The following RFFL variants were observed in gnomAD, a reference collection of about 807,000 sequenced individuals.
RFFL encodes the protein ring finger and FYVE like domain containing E3 ubiquitin protein ligase.
RFFL carries 16 observed loss-of-function variants against 40.4 expected under a neutral mutation model. That is an observed-to-expected ratio of 0.40 (90% CI 0.27 to 0.60). The LOEUF (loss-of-function observed/expected upper bound fraction) is 0.60. Ranked by LOEUF, RFFL falls within the 20% of genes least tolerant of loss-of-function variation. RFFL has a pLI of 0.47. For missense variants in RFFL, 367 were observed against 451.7 expected, an observed-to-expected ratio of 0.81 and a Z score of 1.70; for synonymous variants, 154 against 167.9, an observed-to-expected ratio of 0.92 and a Z score of 0.64.
chr17:35,019,847 C>CATG (rs1597813843), intron 3 of RFFL, among the ~76,000 whole-genome samples: 1 of 152,044 alleles, frequency 6.6e-6, no homozygotes, highest in African/African-American at 2.4e-5. Flanking sequence ...CGGAGAAAAA[C>CATG]ATGTTCAGGC....
At chr17:35,056,096 C>A (rs1210967280) in intron 1 of RFFL, among the ~76,000 whole-genome samples, 2 of 152,046 alleles carry the variant, frequency 1.3e-5, no homozygotes, top group African/African-American at 2.4e-5. Flanking sequence ...ATTCTGCAGC[C>A]CAACAAATAA....
chr17:35,067,227 C>T (rs2091324966), upstream of RFFL, among the ~76,000 whole-genome samples: 1 of 151,744 alleles, frequency 6.6e-6, no homozygotes, highest in South Asian at 2.1e-4. Flanking sequence ...AAGCAATTCT[C>T]CTTCCTCAGC....
At chr17:35,029,344 T>G (rs1328172300) in intron 1 of RFFL, among the ~76,000 whole-genome samples, 2 of 148,778 alleles carry the variant, frequency 1.3e-5, no homozygotes, top group Non-Finnish European at 3.0e-5. Flanking sequence ...TTTGTAGTTT[T>G]TTTTTTTTTT....
intron 1 of RFFL, among the ~76,000 whole-genome samples, chr17:35,048,320 T>C (rs574300245): frequency 5.3e-5 from 8 of 151,920 alleles, no homozygotes; most frequent in East Asian, 2.0e-4. Flanking sequence ...GAGAACGGTG[T>C]GAACCAAGGA....
At chr17:35,027,617 G>A (rs772956755) in intron 1 of RFFL, among the ~76,000 whole-genome samples, 5 of 151,846 alleles carry the variant, frequency 3.3e-5, no homozygotes, top group South Asian at 2.1e-4. Flanking sequence ...CCAGCTACTC[G>A]GAAGGCTGAG....
At chr17:35,072,764 T>C (rs1406865868) in intron 1 of RFFL, among the ~76,000 whole-genome samples, 2 of 150,296 alleles carry the variant, frequency 1.3e-5, no homozygotes, top group Non-Finnish European at 3.0e-5. Flanking sequence ...AAAAAAGTGG[T>C]CGGGCGTGGT....
At chr17:35,072,671 C>T (rs2091356744) in intron 1 of RFFL, among the ~76,000 whole-genome samples, 1 of 151,740 alleles carries the variant, frequency 6.6e-6, no homozygotes, top group South Asian at 2.1e-4. Context: ...GGGAGAAAAA[C>T]GGGTGACGGG....
Position 35,014,822 on chromosome 17 carries a change from T to C in RFFL, c.887-59A>G. 2.0e-6 allele frequency: 3 copies of C among 1,507,930 alleles called. No individual in the cohort carries two copies. In the South Asian group the frequency reaches 3.4e-5, roughly 17 times the overall value. The allele number at this position is 1,507,930 out of a possible 1,614,324, so 93.4% of individuals were successfully genotyped here. On this transcript the variant is annotated intron_variant, in intron 5 of 6. Transcript: ENST00000394597. ...AAGGCATGATGGTACAAATACAGTCTCTTACTGCCCTGACATCATTTCTGA... is the reference window on the plus strand; with the variant it reads ...AAGGCATGATGGTACAAATACAGTCCCTTACTGCCCTGACATCATTTCTGA...
chr17:35,012,769 C>CT (rs964411487), intron 6 of RFFL, among the ~76,000 whole-genome samples: 1 of 152,178 alleles, frequency 6.6e-6, no homozygotes, highest in African/African-American at 2.4e-5. Context: ...CCCCACAAAA[C>CT]TTTTTTATAC....
intron 1 of RFFL, among the ~76,000 whole-genome samples, chr17:35,045,611 T>G (rs1291140471): frequency 6.6e-6 from 1 of 152,138 alleles, no homozygotes; most frequent in Non-Finnish European, 1.5e-5. Context: ...GTAGGTCTAT[T>G]TCACAGCTTT....
chr17:35,022,891 G>A (rs920665874), intron 2 of RFFL, among the ~76,000 whole-genome samples: 1 of 152,246 alleles, frequency 6.6e-6, no homozygotes, highest in Non-Finnish European at 1.5e-5. Context: ...CAACAAGAGC[G>A]CCTGATGGGC....
chr17:35,034,653 C>T (rs1180607121), intron 1 of RFFL, among the ~76,000 whole-genome samples: 15 of 151,948 alleles, frequency 9.9e-5, no homozygotes, highest in Non-Finnish European at 1.5e-4. Flanking sequence ...CTCAGCCTCC[C>T]GAGTAGCTGG....
chr17:35,034,520 C>A (rs1341944049), intron 1 of RFFL, among the ~76,000 whole-genome samples: 1 of 151,816 alleles, frequency 6.6e-6, no homozygotes, highest in Non-Finnish European at 1.5e-5. Flanking sequence ...TTGTTTAAAT[C>A]CACGTTACTT....
rs1310601728 is a variant in RFFL at position 35,012,115 on chromosome 17, C to A, written c.945G>T (p.Leu315=). 1 of 1,614,156 alleles carries A rather than the reference C, an allele frequency of 6.2e-7. No homozygotes were observed. The highest frequency in any genetic ancestry group is 1.7e-5 in the Admixed American group (1 of 60,012). The change falls in exon 7 of 7, where the codon CTG becomes CTT. Residue 315 remains leucine (L), a synonymous_variant. Coordinates refer to ENST00000394597, the MANE Select transcript of RFFL (RefSeq NM_001017368.2). ...GAVPSGLEEN[L]CKICMDSPID... Reference sequence around the variant, plus strand: ...TGGGTGAGTCCATGCAGATCTTACACAGGTTCTCCTCCAAGCCTGATGGTA... The same window carrying A: ...TGGGTGAGTCCATGCAGATCTTACAAAGGTTCTCCTCCAAGCCTGATGGTA...
At chr17:35,084,604 A>C (rs1272477102) in intron 1 of RFFL, among the ~76,000 whole-genome samples, 2 of 145,634 alleles carry the variant, frequency 1.4e-5, no homozygotes, top group Non-Finnish European at 3.0e-5. Flanking sequence ...AAAATAAATA[A>C]ATAGGCTGGG....
chr17:35,040,013 T>C lies in RFFL; in HGVS notation c.-8-13452A>G, dbSNP rs534776357. On this transcript the variant is annotated intron_variant, in intron 1 of 6. Coordinates refer to ENST00000394597, the MANE Select transcript of RFFL (RefSeq NM_001017368.2). The stretch of plus-strand genomic sequence containing the variant: ...TAACCTCTAATTCACTCTTAAACCT[T>C]CTCCAATCTAGCTTGAGCCAACCAC... Among the ~76,000 whole-genome samples the C allele has an allele frequency of 3.3e-5, 5 of 152,080 alleles. No individual in the cohort carries two copies. The East Asian group carries it at 5.8e-4, about 18-fold the overall frequency.
At chr17:35,014,624 C>T in intron 6 of RFFL, 116 bp downstream of exon 6, 3 of 979,028 alleles carry the variant, frequency 3.1e-6, no homozygotes, top group Non-Finnish European at 4.9e-6. Context: ...TTCCCACACA[C>T]CCTCTCTCTG....
chr17:35,051,443 A>C (rs1463589018), intron 1 of RFFL, among the ~76,000 whole-genome samples: 2 of 152,172 alleles, frequency 1.3e-5, no homozygotes, highest in Non-Finnish European at 2.9e-5. Flanking sequence ...CAAGTAGGTA[A>C]CCTTTCATAT....
In RFFL at chr17:35,083,750, C is replaced by T. The variant is rs536809864; in HGVS notation, c.-9+5355G>A. On this transcript the variant is annotated intron_variant, in intron 1 of 6. Transcript: ENST00000315249. The stretch of plus-strand genomic sequence containing the variant: ...GAGCCAAGATCACACCACTGCACTC[C>T]AGCCTAGGTGACAGAGCAAGACTCT... 6.2e-5 allele frequency among the ~76,000 whole-genome samples: 9 copies of T among 146,324 alleles called. No individual in the cohort carries two copies. In the South Asian group the frequency reaches 2.0e-3, roughly 32 times the overall value.
Sources: allele counts gnomAD v4.1 joint callset (sites outside exome capture counted in the v4.1 genomes callset), GRCh38; gene constraint gnomAD v4.1.1; transcripts MANE v1.5; gene names NCBI Gene and HGNC (gene_info 2026-07-23, HGNC 2026-07-21).